The following PSPH variants were observed in gnomAD, a reference collection of about 807,000 sequenced individuals.
The protein encoded by PSPH is phosphoserine phosphatase.
In PSPH, 16 loss-of-function variants were observed where a neutral mutation model predicts 23.4. That is an observed-to-expected ratio of 0.68 (90% CI 0.46 to 1.04). The LOEUF (loss-of-function observed/expected upper bound fraction) is 1.04. Ranked by LOEUF, PSPH falls within the 50% of genes least tolerant of loss-of-function variation. The probability of loss-of-function intolerance (pLI) is 0.00; values close to 1 mark genes in which losing one functional copy is unlikely to be tolerated. For missense variants in PSPH, 223 were observed against 273.7 expected (o/e 0.81, Z 1.31); for synonymous variants, 68 against 99.7 (o/e 0.68, Z 1.89).
At position 56,015,077 on chromosome 7, in the gene PSPH, C is replaced by G; in HGVS notation, c.516G>C (p.Lys172Asn). ...CACCATCTCCAATCATGATTATTTT[C>G]TTAAAATGAAATTTTTCCTTTAAAA... ...IKLLKEKFHF[K>N]KIIMIGDGAT... is the part of the protein sequence containing the mutation. The change falls in exon 7 of 8, where the codon AAG becomes AAC. Residue 172 changes from lysine to asparagine, a missense_variant. By Grantham distance (94) the Lys-to-Asn change is moderately conservative. Transcript: ENST00000275605. 6.8e-6 allele frequency: 11 copies of G among 1,614,044 alleles called. No homozygotes were observed. The highest frequency in any genetic ancestry group is 9.3e-6 in the Non-Finnish European group (11 of 1,179,952).
chr7:56,025,424 T>C (rs1255043051), intron 3 of PSPH, among the ~76,000 whole-genome samples: 2 of 151,526 alleles, frequency 1.3e-5, no homozygotes, highest in East Asian at 3.9e-4. Context: ...ATCTGGCTAA[T>C]TTTTTGTATT....
At chr7:56,012,072 CT>C (rs886759560) in intron 7 of PSPH, among the ~76,000 whole-genome samples, 1 of 150,986 alleles carries the variant, frequency 6.6e-6, no homozygotes, top group Non-Finnish European at 1.5e-5. Context: ...CGCCTGGCTA[CT>C]TTTTTTTATT....
At position 56,047,884 on chromosome 7, in the gene PSPH, T is replaced by C. The variant is rs550293694; in HGVS notation, c.-292+3254A>G. 4.6e-5 allele frequency among the ~76,000 whole-genome samples: 7 copies of C among 152,270 alleles called. No individual in the cohort carries two copies. In the South Asian group the frequency reaches 1.5e-3, roughly 32 times the overall value. ...TGTTGCACCATGTTGGCCAGGATGG[T>C]CTTGATCTCTTGACCTCACGATCCG... On this transcript the variant is annotated intron_variant, in intron 1 of 7. Transcript: ENST00000275605.
Position 56,019,586 on chromosome 7 carries a change from G to A in PSPH, c.275+14C>T, listed in dbSNP as rs190118233. 151 of 1,613,156 alleles carry A rather than the reference G, an allele frequency of 9.4e-5. No homozygotes were observed. The highest frequency in any genetic ancestry group is 1.1e-4 in the Non-Finnish European group (131 of 1,179,722). ...CTGGTGCTGAAATACACCTGGAGCC[G>A]GGGTTCCTCTTACCTTATGCCGGGG... On this transcript the variant is annotated intron_variant, in intron 5 of 7. Coordinates refer to ENST00000275605, the MANE Select transcript of PSPH (RefSeq NM_004577.4).
intron 3 of PSPH, among the ~76,000 whole-genome samples, chr7:56,029,994 A>G (rs1402973580): frequency 9.2e-5 from 8 of 87,040 alleles, no homozygotes; most frequent in African/African-American, 3.2e-4. Context: ...AAAAAAAAGA[A>G]AAAAAAAAAA....
chr7:56,013,065 GTA>G (rs1265789680), intron 7 of PSPH, among the ~76,000 whole-genome samples: 2 of 78,254 alleles, frequency 2.6e-5, no homozygotes, highest in Non-Finnish European at 5.9e-5. Context: ...ATGTATATGT[GTA>G]TGTATATATT....
intron 3 of PSPH, among the ~76,000 whole-genome samples, chr7:56,027,030 A>ACC (rs1790285434): frequency 6.6e-6 from 1 of 151,858 alleles, no homozygotes; most frequent in African/African-American, 2.4e-5. Flanking sequence ...ACATGGTGAA[A>ACC]CCCCGTCTCT....
chr7:56,012,155 T>A (rs1428084161), intron 7 of PSPH, among the ~76,000 whole-genome samples: 1 of 151,706 alleles, frequency 6.6e-6, no homozygotes, highest in Non-Finnish European at 1.5e-5. Flanking sequence ...AGTGCTGGGA[T>A]TACAGGTATG....
At chr7:56,036,824 G>T (rs1211981976) in intron 1 of PSPH, among the ~76,000 whole-genome samples, 2 of 152,044 alleles carry the variant, frequency 1.3e-5, no homozygotes, top group East Asian at 1.9e-4. Flanking sequence ...ACATACAAGT[G>T]TAACAACCAG....
At chr7:56,025,786 G>T (rs548536857) in intron 3 of PSPH, among the ~76,000 whole-genome samples, 57 of 152,274 alleles carry the variant, frequency 3.7e-4, no homozygotes, top group Admixed American at 3.5e-3. Context: ...TAGAGACAAG[G>T]TTTCACCATG....
intron 1 of PSPH, among the ~76,000 whole-genome samples, chr7:56,038,747 G>A (rs1584486158): frequency 6.6e-6 from 1 of 151,888 alleles, no homozygotes; most frequent in Non-Finnish European, 1.5e-5. Flanking sequence ...TTGGGAGGCT[G>A]AGGTGGGAGG....
At chr7:56,029,227 A>G (rs1334049369) in intron 3 of PSPH, among the ~76,000 whole-genome samples, 1 of 152,100 alleles carries the variant, frequency 6.6e-6, no homozygotes, top group African/African-American at 2.4e-5. Context: ...AGTTGCTTCA[A>G]AGTAAATTGT....
rs1789425525 is a variant in PSPH at position 56,021,429 on chromosome 7, T to C, written c.-19-198A>G. On this transcript the variant is annotated intron_variant, in intron 3 of 7. Coordinates refer to ENST00000275605, the MANE Select transcript of PSPH (RefSeq NM_004577.4). ...CAGTTTCTTCTTTCTTTCTTTCTTT[T>C]TTTTTTTTAGGTGGAGTCTTACTCT... Among the ~76,000 whole-genome samples the C allele has an allele frequency of 1.5e-5, 2 of 129,574 alleles. 1 individual carries two copies. The highest frequency in any genetic ancestry group is 1.6e-4 in the Admixed American group (2 of 12,870). 85.0% of individuals were successfully genotyped at this position (129,574 alleles called of 152,430 possible).
intron 3 of PSPH, among the ~76,000 whole-genome samples, chr7:56,027,697 A>G (rs1790398268): frequency 6.6e-6 from 1 of 150,914 alleles, no homozygotes; most frequent in Admixed American, 6.6e-5. Flanking sequence ...CAAAAAAAAA[A>G]AAAAAAAGGC....
At chr7:56,035,370 T>C (rs763865208) in intron 1 of PSPH, among the ~76,000 whole-genome samples, 11 of 152,106 alleles carry the variant, frequency 7.2e-5, no homozygotes, top group Admixed American at 2.0e-4. Context: ...CATGTGTCAC[T>C]TGCCCAGCTC....
Position 56,015,161 on chromosome 7 carries a change from T to C in PSPH, c.432A>G (p.Ala144=). The C allele has an allele frequency of 6.2e-7, 1 of 1,613,988 alleles. No homozygotes were observed. The highest frequency in any genetic ancestry group is 8.5e-7 in the Non-Finnish European group (1 of 1,179,964). The part of the protein sequence containing the change: ...RLKFYFNGEY[A]GFDETQPTAE... The stretch of plus-strand genomic sequence containing the variant: ...CTGTTGGCTGCGTCTCATCAAAACC[T>C]GCATATTCACCTTAAAAGAGAAATA... The change falls in exon 7 of 8, where the codon GCA becomes GCG. Residue 144 remains alanine, a synonymous_variant. Transcript: ENST00000275605.
At chr7:56,034,350 G>A (rs538175469) in intron 1 of PSPH, among the ~76,000 whole-genome samples, 124 of 152,248 alleles carry the variant, frequency 8.1e-4, no homozygotes, top group Middle Eastern at 6.8e-3. Context: ...AAGCTGCTCC[G>A]CGCTGCCGCC....
At chr7:56,037,546 G>C (rs184766051) in intron 1 of PSPH, among the ~76,000 whole-genome samples, 102 of 151,818 alleles carry the variant, frequency 6.7e-4, no homozygotes, top group Middle Eastern at 3.4e-3. Flanking sequence ...AGCCTTCCGA[G>C]TAGGTTGGAC....
intron 1 of PSPH, among the ~76,000 whole-genome samples, chr7:56,040,277 C>G (rs1001710565): frequency 6.6e-6 from 1 of 151,878 alleles, no homozygotes; most frequent in African/African-American, 2.4e-5. Flanking sequence ...ATCGTTTGAG[C>G]CATTTTTGAA....
Sources: gnomAD v4.1 joint callset for allele counts (sites outside exome capture counted in the v4.1 genomes callset) on GRCh38, gnomAD v4.1.1 for gene constraint, MANE v1.5 for transcripts, NCBI Gene and HGNC (gene_info 2026-07-23, HGNC 2026-07-21) for gene names.